Variants in NBEAL1 observed in about 807,000 individuals in gnomAD.
NBEAL1 encodes neurobeachin like 1.
In NBEAL1, 273 loss-of-function variants were observed where a neutral mutation model predicts 351.3. That is an observed-to-expected ratio of 0.78 (90% CI 0.70 to 0.86). NBEAL1 has a LOEUF of 0.86. Among genes scored for constraint, NBEAL1 ranks in the 40% least tolerant of loss-of-function variants. NBEAL1 has a pLI of 0.00. For synonymous variants in NBEAL1, 1,050 were observed against 1,086.4 expected (o/e 0.97, Z 0.66); for missense variants, 2,961 against 3,201.3 (o/e 0.92, Z 1.81).
intron 10 of NBEAL1, among the ~76,000 whole-genome samples, chr2:203,088,928 A>G (rs1365172909): frequency 6.6e-6 from 1 of 152,184 alleles, no homozygotes; most frequent in African/African-American, 2.4e-5. Context: ...TTAACCAAGT[A>G]TGTGTGTGGG....
intron 36 of NBEAL1, among the ~76,000 whole-genome samples, chr2:203,161,326 CAAAAAAA>C (rs1174377516): frequency 3.1e-5 from 2 of 64,800 alleles, no homozygotes; most frequent in South Asian, 5.2e-4. Flanking sequence ...GACTCCATCT[CAAAAAAA>C]AAAAAAAAAA....
rs143093659 is a variant in NBEAL1 at position 203,222,290 on chromosome 2, T to A, written c.*4936T>A. 1.0e-3 allele frequency among the ~76,000 whole-genome samples: 155 copies of A among 152,338 alleles called. No homozygotes were observed. Among genetic ancestry groups the A allele is most frequent in the African/African-American group, 3.5e-3 (147 of 41,582 alleles). On this transcript the variant is annotated 3_prime_UTR_variant, in exon 56 of 56. Transcript: ENST00000683969. ...TCTGTGGAGTTTATAAATATACAGA[T>A]ATGTAGGCACTGCTTTGGACTTCAT...
intron 29 of NBEAL1, among the ~76,000 whole-genome samples, chr2:203,137,101 C>T (rs779013264): frequency 2.1e-4 from 32 of 152,118 alleles, no homozygotes; most frequent in Non-Finnish European, 2.9e-4. Flanking sequence ...TGAGTGTTTC[C>T]GTGCTAAGAG....
intron 12 of NBEAL1, among the ~76,000 whole-genome samples, chr2:203,106,602 T>A (rs1017863824): frequency 2.6e-5 from 4 of 152,232 alleles, no homozygotes; most frequent in African/African-American, 9.6e-5. Context: ...AAAGTTGTTT[T>A]TTTTTGTCCA....
intron 2 of NBEAL1, among the ~76,000 whole-genome samples, chr2:203,021,642 A>C (rs1404202735): frequency 6.6e-6 from 1 of 152,008 alleles, no homozygotes; most frequent in African/African-American, 2.4e-5. Flanking sequence ...CATGTTATTC[A>C]CTGTATTTTT....
intron 2 of NBEAL1, among the ~76,000 whole-genome samples, chr2:203,025,406 G>C (rs537188983): frequency 3.3e-5 from 5 of 152,214 alleles, no homozygotes; most frequent in Non-Finnish European, 7.4e-5. Context: ...TCGGACCTTA[G>C]TTTTAGAAAC....
intron 3 of NBEAL1, among the ~76,000 whole-genome samples, chr2:203,042,849 G>A (rs2061166693): frequency 6.6e-6 from 1 of 152,184 alleles, no homozygotes. Flanking sequence ...GACTCCCAAA[G>A]TGCTGGGATT....
At chr2:203,077,474 C>T in intron 7 of NBEAL1, among the ~76,000 whole-genome samples, 1 of 152,174 alleles carries the variant, frequency 6.6e-6, no homozygotes, top group Admixed American at 6.5e-5. Context: ...ATATTAACTT[C>T]TGACCTTCCT....
chr2:203,109,710 G>A (rs1034950246), intron 14 of NBEAL1, among the ~76,000 whole-genome samples: 6 of 152,086 alleles, frequency 3.9e-5, no homozygotes, highest in Admixed American at 3.9e-4. Flanking sequence ...AGTAGAGACG[G>A]GGTTTCACCA....
chr2:203,058,676 A>G (rs1204100951), intron 6 of NBEAL1, among the ~76,000 whole-genome samples: 1 of 152,254 alleles, frequency 6.6e-6, no homozygotes, highest in African/African-American at 2.4e-5. Context: ...GCTGATGAGT[A>G]TAGAGAAAAA....
intron 46 of NBEAL1, 24 bp downstream of exon 46, chr2:203,190,413 G>T: frequency 6.6e-7 from 1 of 1,511,830 alleles, no homozygotes; most frequent in Non-Finnish European, 9.1e-7. Context: ...TTAAGAAGTA[G>T]ATTTAAGTCA....
Position 203,161,259 on chromosome 2 carries a change from G to C in NBEAL1, c.5714+3434G>C, listed in dbSNP as rs1188065386. 2.7e-5 allele frequency among the ~76,000 whole-genome samples: 4 copies of C among 150,690 alleles called. No individual in the cohort carries two copies. The South Asian group carries it at 8.4e-4, about 32-fold the overall frequency. On this transcript the variant is annotated intron_variant, in intron 36 of 55. Transcript: ENST00000683969. ...GGAGAATGGCATGAACCTGGGAGGC[G>C]GAGCTTGCAGTGAGCCGAGATTGCG...
At chr2:203,144,243 C>A (rs1356962240) in intron 31 of NBEAL1, among the ~76,000 whole-genome samples, 2 of 146,536 alleles carry the variant, frequency 1.4e-5, no homozygotes, top group African/African-American at 5.0e-5. Context: ...GATTTGGGTT[C>A]TCTTTATACT....
In NBEAL1 at chr2:203,129,252, G is replaced by C. The variant is rs568484732; in HGVS notation, c.3406-1066G>C. On this transcript the variant is annotated intron_variant, in intron 24 of 55. Coordinates refer to ENST00000683969, the MANE Select transcript of NBEAL1 (RefSeq NM_001378026.1). ...AAAAAGTCACACAACTGATAAACCTGAAACTAGAACCCAAATGTTAAAAAA... is the reference window on the plus strand; with the variant it reads ...AAAAAGTCACACAACTGATAAACCTCAAACTAGAACCCAAATGTTAAAAAA... Among the ~76,000 whole-genome samples, 5 of 152,128 alleles carry C rather than the reference G, an allele frequency of 3.3e-5. No individual in the cohort carries two copies. The East Asian group carries it at 9.7e-4, about 29-fold the overall frequency.
chr2:203,052,033 A>G (rs1296674143), intron 4 of NBEAL1, among the ~76,000 whole-genome samples: 1 of 152,174 alleles, frequency 6.6e-6, no homozygotes, highest in East Asian at 1.9e-4. Flanking sequence ...ATTATTAACT[A>G]AGGTCCATGT....
chr2:203,019,861 A>C (rs2060739057), intron 2 of NBEAL1, among the ~76,000 whole-genome samples: 1 of 152,210 alleles, frequency 6.6e-6, no homozygotes, highest in Admixed American at 6.5e-5. Context: ...AAGCTTAAAT[A>C]CTAGTGACTA....
chr2:203,184,035 G>A (rs1337658903), intron 44 of NBEAL1, among the ~76,000 whole-genome samples: 2 of 130,994 alleles, frequency 1.5e-5, no homozygotes, highest in African/African-American at 3.0e-5. Flanking sequence ...CTGAGATCAC[G>A]CCGTTGCATT....
intron 34 of NBEAL1, 88 bp from the exon 35 acceptor site, chr2:203,151,377 A>G: frequency 1.0e-6 from 1 of 966,072 alleles, no homozygotes; most frequent in Non-Finnish European, 1.5e-6. Flanking sequence ...AATGTAAAAT[A>G]CTTGATACTT....
At chr2:203,042,672 C>T (rs1429325904) in intron 3 of NBEAL1, among the ~76,000 whole-genome samples, 1 of 151,828 alleles carries the variant, frequency 6.6e-6, no homozygotes, top group Non-Finnish European at 1.5e-5. Context: ...ACTATAACCT[C>T]CACCTCCTAG....
Sources: gnomAD v4.1 joint callset for allele counts (sites outside exome capture counted in the v4.1 genomes callset) on GRCh38, gnomAD v4.1.1 for gene constraint, MANE v1.5 for transcripts, NCBI Gene and HGNC (gene_info 2026-07-23, HGNC 2026-07-21) for gene names.